The following AGMO variants were observed in gnomAD, a reference collection of about 807,000 sequenced individuals.
The protein encoded by AGMO is glyceryl-ether monooxygenase.
AGMO carries 75 observed loss-of-function variants against 60.2 expected under a neutral mutation model. That is an observed-to-expected ratio of 1.25 (90% CI 1.03 to 1.51). The LOEUF (loss-of-function observed/expected upper bound fraction) is 1.51, where lower values mean the gene tolerates loss of function less well. Among genes scored for constraint, AGMO ranks in the 40% most tolerant of loss-of-function variants. The pLI is 0.00. For missense variants in AGMO, 763 were observed against 525.5 expected (o/e 1.45, Z -4.42); for synonymous variants, 261 against 177.1 (o/e 1.47, Z -3.76).
intron 12 of AGMO, among the ~76,000 whole-genome samples, chr7:15,228,638 A>G (rs1243000952): frequency 6.6e-6 from 1 of 152,196 alleles, no homozygotes; most frequent in East Asian, 1.9e-4. Context: ...AAATAACTAA[A>G]GTAAAATAAG....
chr7:15,207,797 G>C (rs1781479032), intron 12 of AGMO, among the ~76,000 whole-genome samples: 1 of 152,176 alleles, frequency 6.6e-6, no homozygotes, highest in Non-Finnish European at 1.5e-5. Context: ...AGCCGGGCTT[G>C]GTGGCGGGCA....
intron 3 of AGMO, among the ~76,000 whole-genome samples, chr7:15,484,773 T>C (rs1198059097): frequency 6.6e-6 from 1 of 152,274 alleles, no homozygotes; most frequent in East Asian, 1.9e-4. Flanking sequence ...TCAAAGCATT[T>C]CTAAAATTAT....
the AGMO span, among the ~76,000 whole-genome samples, chr7:15,171,382 G>A: frequency 6.6e-6 from 1 of 152,176 alleles, no homozygotes; most frequent in Admixed American, 6.5e-5. Context: ...CACTGTTGAT[G>A]TTGACCTTGA....
intron 10 of AGMO, 128 bp from the exon 11 acceptor site, chr7:15,366,350 G>A: frequency 1.8e-6 from 1 of 560,994 alleles, no homozygotes. Flanking sequence ...ACACTTTACA[G>A]AAAGCTTGAC....
chr7:15,365,403 A>AAAAATT, intron 12 of AGMO, 111 bp downstream of exon 12: 1 of 534,132 alleles, frequency 1.9e-6, no homozygotes, highest in Non-Finnish European at 3.2e-6. Flanking sequence ...AAAGATCAAG[A>AAAAATT]TTTCCCACAT....
the AGMO span, among the ~76,000 whole-genome samples, chr7:15,181,798 T>G: frequency 0.06 from 9,107 of 152,230 alleles, 913 homozygotes; most frequent in African/African-American, 0.2. Flanking sequence ...AGAAATACTT[T>G]TACTGCATTG....
At chr7:15,459,027 C>T (rs1782067963) in intron 3 of AGMO, among the ~76,000 whole-genome samples, 1 of 152,010 alleles carries the variant, frequency 6.6e-6, no homozygotes, top group African/African-American at 2.4e-5. Context: ...ATATAGAACC[C>T]CTATAAACAT....
intron 12 of AGMO, among the ~76,000 whole-genome samples, chr7:15,256,927 G>T (rs1783116359): frequency 6.6e-6 from 1 of 152,100 alleles, no homozygotes; most frequent in African/African-American, 2.4e-5. Context: ...AGATACCAGA[G>T]AAAATAAATA....
rs1483593061 is a variant in AGMO, at chr7:15,276,855, T to TTCTG, written c.1264-75497_1264-75496insCAGA. On this transcript the variant is annotated intron_variant, in intron 12 of 12. Coordinates refer to ENST00000342526, the MANE Select transcript of AGMO (RefSeq NM_001004320.2). The stretch of plus-strand genomic sequence containing the variant: ...AAGCTTTCATGTGTAATTCCTTAAG[T>TTCTG]GAATTTTTCATTTCCAGAACTCTGT... 8.6e-3 allele frequency among the ~76,000 whole-genome samples: 1,306 copies of TTCTG among 151,652 alleles called. 22 individuals carry two copies. The highest frequency in any genetic ancestry group is 0.03 in the African/African-American group (1,247 of 41,320).
In AGMO at chr7:15,278,537, C is replaced by T. The variant is rs74360562; in HGVS notation, c.1264-77178G>A. Among the ~76,000 whole-genome samples, 742 of 152,124 alleles carry T rather than the reference C, an allele frequency of 4.9e-3. 5 individuals carry two copies. Among genetic ancestry groups the T allele is most frequent in the African/African-American group, 0.017 (692 of 41,516 alleles). ...TGGCCTCTAGGCCACAAGCAGAACT[C>T]TCAGGTGAGGGCAGGCAGAACTCTC... On this transcript the variant is annotated intron_variant, in intron 12 of 12. Transcript: ENST00000342526.
chr7:15,118,615 C>A, the AGMO span, among the ~76,000 whole-genome samples: 2 of 152,080 alleles, frequency 1.3e-5, no homozygotes, highest in Non-Finnish European at 2.9e-5. Context: ...AGGTATGTTA[C>A]TAATGACACT....
the AGMO span, among the ~76,000 whole-genome samples, chr7:15,145,343 GTTAT>G: frequency 7.2e-5 from 11 of 152,112 alleles, no homozygotes; most frequent in African/African-American, 2.2e-4. Context: ...ATAGCACACA[GTTAT>G]TTAAAGATAT....
chr7:15,373,357 A>C (rs1038593317), intron 10 of AGMO, among the ~76,000 whole-genome samples: 1 of 152,110 alleles, frequency 6.6e-6, no homozygotes, highest in African/African-American at 2.4e-5. Context: ...TGCAGCCCCA[A>C]TTACGCCTGC....
intron 3 of AGMO, among the ~76,000 whole-genome samples, chr7:15,444,129 T>C (rs1437146883): frequency 6.6e-6 from 1 of 152,148 alleles, no homozygotes; most frequent in African/African-American, 2.4e-5. Context: ...TCTACCGTTG[T>C]TTTTTATATA....
At chr7:15,416,807 T>C (rs1463435861) in intron 5 of AGMO, among the ~76,000 whole-genome samples, 4 of 152,292 alleles carry the variant, frequency 2.6e-5, no homozygotes, top group Non-Finnish European at 5.9e-5. Context: ...CATTTTCAGT[T>C]TTTACTTTTT....
At chr7:15,441,330 A>T (rs1264999157) in intron 3 of AGMO, among the ~76,000 whole-genome samples, 2 of 152,242 alleles carry the variant, frequency 1.3e-5, no homozygotes, top group Admixed American at 6.5e-5. Flanking sequence ...TATGAATTTG[A>T]CAATTTTTAT....
At chr7:15,403,254 A>C (rs1784602088) in intron 5 of AGMO, among the ~76,000 whole-genome samples, 1 of 151,546 alleles carries the variant, frequency 6.6e-6, no homozygotes, top group African/African-American at 2.4e-5. Context: ...GCTTTTATTT[A>C]GTTTCCTGTA....
intron 12 of AGMO, among the ~76,000 whole-genome samples, chr7:15,279,208 C>T (rs77080925): frequency 0.014 from 2,072 of 151,970 alleles, 43 homozygotes; most frequent in African/African-American, 0.048. Context: ...AGTGTAGAAC[C>T]CTGGGGTTCT....
chr7:15,129,709 T>C, the AGMO span, among the ~76,000 whole-genome samples: 1 of 152,094 alleles, frequency 6.6e-6, no homozygotes, highest in Admixed American at 6.6e-5. Flanking sequence ...CCAATTGCAT[T>C]ATGGGTGGTT....
Sources: allele counts gnomAD v4.1 joint callset (sites outside exome capture counted in the v4.1 genomes callset), GRCh38; gene constraint gnomAD v4.1.1; transcripts MANE v1.5; gene names NCBI Gene and HGNC (gene_info 2026-07-23, HGNC 2026-07-21).